The following REV1 variants were observed in gnomAD, a reference collection of about 807,000 sequenced individuals.
The protein encoded by REV1 is translesion synthesis protein REV1.
Under a neutral mutation model 137.4 loss-of-function variants are expected in REV1, and 42 were observed. The ratio of observed to expected loss-of-function variants is 0.31; its 90% confidence interval spans 0.24 to 0.40. The LOEUF is 0.40. Among genes scored for constraint, REV1 ranks in the 10% least tolerant of loss-of-function variants. The probability of loss-of-function intolerance (pLI) is 1.00; values close to 1 mark genes in which losing one functional copy is unlikely to be tolerated. For missense variants in REV1, 1,282 were observed against 1,490.1 expected, an observed-to-expected ratio of 0.86 and a Z score of 2.30; for synonymous variants, 524 against 519.2, an observed-to-expected ratio of 1.01 and a Z score of -0.12.
chr2:99,470,976 A>T (rs1475767227), intron 1 of REV1, among the ~76,000 whole-genome samples: 1 of 152,256 alleles, frequency 6.6e-6, no homozygotes, highest in East Asian at 1.9e-4. Flanking sequence ...ATCTTTATGT[A>T]ATAGTTATCT....
At chr2:99,435,762 T>G in intron 7 of REV1, 72 bp downstream of exon 7, 1 of 795,314 alleles carries the variant, frequency 1.3e-6, no homozygotes, top group Non-Finnish European at 2.0e-6. Context: ...TAAAAAAAGA[T>G]TTTGTAATCT....
Position 99,403,105 on chromosome 2 carries a change from C to T in REV1, c.3168G>A (p.Val1056=). The T allele has an allele frequency of 6.3e-7, 1 of 1,594,214 alleles. No individual in the cohort carries two copies. Among genetic ancestry groups the T allele is most frequent in the Non-Finnish European group, 8.6e-7 (1 of 1,169,498 alleles). The change falls in exon 20 of 23, where the codon GTG becomes GTA. Residue 1056 remains valine (V), a splice_region_variant and synonymous_variant. Transcript: ENST00000258428. ...TTAGATGAAGTAAAGGATTCTTTGG[C>T]ACTAAGAGCAGATGGATATAAGATC... ...STHQQSASAS[V]PKNPLLHLKA...
chr2:99,489,872 C>G lies in REV1; in HGVS notation c.-66G>C, dbSNP rs1292258120. The G allele has an allele frequency of 1.3e-5, 2 of 149,728 alleles. No individual in the cohort carries two copies. Among genetic ancestry groups the G allele is most frequent in the African/African-American group, 4.9e-5 (2 of 41,098 alleles). The allele number at this position is 149,728 out of a possible 1,614,324, so 9.3% of individuals were successfully genotyped here. ...GGCCCGGCGGCCTTCTCCGGCCTTG[C>G]GGACCCCGGCCCCGCCGCCGCCAGT... On this transcript the variant is annotated 5_prime_UTR_variant, in exon 1 of 23. Coordinates refer to ENST00000258428, the MANE Select transcript of REV1 (RefSeq NM_016316.4).
chr2:99,463,139 G>T (rs1227168051), intron 2 of REV1, among the ~76,000 whole-genome samples: 1 of 151,834 alleles, frequency 6.6e-6, no homozygotes, highest in Non-Finnish European at 1.5e-5. Flanking sequence ...ATAGGTCAAA[G>T]AAGAATTTTC....
intron 3 of REV1, among the ~76,000 whole-genome samples, chr2:99,454,839 C>G (rs1015148648): frequency 6.6e-6 from 1 of 152,206 alleles, no homozygotes; most frequent in Admixed American, 6.5e-5. Context: ...TAAAACCAGA[C>G]ATAGTGACAG....
chr2:99,404,707 G>A, intron 17 of REV1, 30 bp from the exon 18 acceptor site: 2 of 1,478,438 alleles, frequency 1.4e-6, no homozygotes, highest in Non-Finnish European at 1.9e-6. Flanking sequence ...TGAGTAGGAA[G>A]TTAAAGCATG....
At chr2:99,451,961 T>C (rs917162120) in intron 3 of REV1, among the ~76,000 whole-genome samples, 1 of 152,184 alleles carries the variant, frequency 6.6e-6, no homozygotes, top group Non-Finnish European at 1.5e-5. Context: ...GAATTTTTTT[T>C]TTTTAATTTT....
chr2:99,462,731 C>T (rs1684366241), intron 2 of REV1, 109 bp from the exon 3 acceptor site: 3 of 1,094,666 alleles, frequency 2.7e-6, no homozygotes, highest in Non-Finnish European at 4.0e-6. Context: ...TTATTCTGTG[C>T]TAGTGACCAG....
chr2:99,408,002 G>A, intron 15 of REV1, 27 bp downstream of exon 15: 1 of 1,386,178 alleles, frequency 7.2e-7, no homozygotes, highest in East Asian at 2.5e-5. Flanking sequence ...CACAAAGTCA[G>A]AATTTACAAT....
At chr2:99,440,160 C>T (rs149102775) in intron 5 of REV1, among the ~76,000 whole-genome samples, 1 of 152,298 alleles carries the variant, frequency 6.6e-6, no homozygotes, top group African/African-American at 2.4e-5. Context: ...GAACCCATGA[C>T]AAATGTTATG....
rs997282265 is a variant in REV1 at position 99,442,229 on chromosome 2, G to A, written c.503+88C>T. 9.7e-6 allele frequency: 12 copies of A among 1,230,878 alleles called. No homozygotes were observed. The East Asian group carries it at 3.1e-4, about 32-fold the overall frequency. The allele number at this position is 1,230,878 out of a possible 1,614,324, so 76.2% of individuals were successfully genotyped here. ...ATCATACCATTGCACTCCAGCCTCG[G>A]CAACAAGAGCAAAACTCCATCTCAA... On this transcript the variant is annotated intron_variant, in intron 5 of 22. Transcript: ENST00000258428.
chr2:99,416,654 C>T (rs951004439), intron 12 of REV1, among the ~76,000 whole-genome samples: 2 of 152,102 alleles, frequency 1.3e-5, no homozygotes, highest in African/African-American at 2.4e-5. Flanking sequence ...TCACTGGGCA[C>T]GGTGGCTCAT....
chr2:99,449,331 CT>C lies in REV1; in HGVS notation c.350+4del. 6.8e-7 allele frequency: 1 copy of C among 1,463,178 alleles called. No individual in the cohort carries two copies. Among genetic ancestry groups the C allele is most frequent in the Non-Finnish European group, 9.1e-7 (1 of 1,095,306 alleles). 90.6% of individuals were successfully genotyped at this position (1,463,178 alleles called of 1,614,324 possible). A position where few individuals can be genotyped will look rare whatever the true frequency, so the allele number is the denominator to read the frequency against. On this transcript the variant is annotated splice_donor_region_variant and intron_variant, in intron 4 of 22. Coordinates refer to ENST00000258428, the MANE Select transcript of REV1 (RefSeq NM_016316.4). ...TATTAATTAAATTTAATAAATTAAA[CT>C]TACCTTTCCACAATCCATTCTGGTC...
intron 1 of REV1, among the ~76,000 whole-genome samples, chr2:99,471,883 T>A: frequency 1.5e-5 from 2 of 130,412 alleles, no homozygotes; most frequent in African/African-American, 3.0e-5. Context: ...GCAGGATAGC[T>A]ACTATTAAAA....
intron 3 of REV1, among the ~76,000 whole-genome samples, chr2:99,454,660 C>T (rs193027923): frequency 8.6e-5 from 13 of 150,646 alleles, no homozygotes; most frequent in Non-Finnish European, 1.5e-4. Flanking sequence ...CAGGAAGATC[C>T]GTTGAGCTCA....
At chr2:99,489,196 G>A (rs1199285432) in intron 1 of REV1, among the ~76,000 whole-genome samples, 2 of 152,164 alleles carry the variant, frequency 1.3e-5, no homozygotes, top group Non-Finnish European at 2.9e-5. Context: ...TTTAGCGAAC[G>A]GACAAGCAGC....
chr2:99,485,100 T>C (rs1687004492), intron 1 of REV1, among the ~76,000 whole-genome samples: 1 of 152,208 alleles, frequency 6.6e-6, no homozygotes, highest in African/African-American at 2.4e-5. Flanking sequence ...AGGATCCTAT[T>C]ACTTGTTAAA....
rs1473512478 is a variant in REV1, at chr2:99,435,868, T to C, written c.1287A>G (p.Val429=). ...IMHVDMDCFF[V]SVGIRNRPDL... ...CTGGTCTATTTCGTATACCCACTGA[T>C]ACAAAGAAGCAATCCATATCAACAT... Residue 429 remains valine, a synonymous_variant, in exon 7 of 23, where the codon GTA becomes GTG. Transcript: ENST00000258428. The C allele has an allele frequency of 1.9e-6, 3 of 1,606,580 alleles. No individual in the cohort carries two copies. The highest frequency in any genetic ancestry group is 4.5e-5 in the East Asian group (2 of 44,678).
At chr2:99,462,728 GTGCTA>G in intron 2 of REV1, 106 bp from the exon 3 acceptor site, 2 of 1,124,092 alleles carry the variant, frequency 1.8e-6, no homozygotes, top group Non-Finnish European at 2.6e-6. Flanking sequence ...ACCTTATTCT[GTGCTA>G]GTGACCAGAA....
Sources: allele counts gnomAD v4.1 joint callset (sites outside exome capture counted in the v4.1 genomes callset), GRCh38; gene constraint gnomAD v4.1.1; transcripts MANE v1.5; gene names NCBI Gene and HGNC (gene_info 2026-07-23, HGNC 2026-07-21).